Variants in CDR2 observed in about 807,000 individuals in gnomAD.
CDR2 encodes the protein cerebellar degeneration related protein 2, also known as cerebellar degeneration-related protein 2.
Under a neutral mutation model 48.4 loss-of-function variants are expected in CDR2, and 34 were observed. That is an observed-to-expected ratio of 0.70 (90% CI 0.53 to 0.94). CDR2 has a LOEUF of 0.94. Ranked by LOEUF, CDR2 falls within the 40% of genes least tolerant of loss-of-function variation. The pLI, the probability that CDR2 is intolerant of heterozygous loss-of-function variation, is 0.00. For synonymous variants in CDR2, 240 were observed against 219.7 expected (o/e 1.09, Z -0.82); for missense variants, 498 against 549.5 (o/e 0.91, Z 0.94).
chr16:22,347,444 G>A lies in CDR2; in HGVS notation c.886C>T (p.Leu296=), dbSNP rs1402914165. 1.2e-6 allele frequency: 2 copies of A among 1,613,850 alleles called. No homozygotes were observed. The highest frequency in any genetic ancestry group is 1.3e-5 in the African/African-American group (1 of 74,936). Reference sequence around the variant, plus strand: ...TTTCTATGTGATTCCGGCACAGTCAGGAACATCTCTTCCAGCAGGCTCTGG... The same window carrying A: ...TTTCTATGTGATTCCGGCACAGTCAAGAACATCTCTTCCAGCAGGCTCTGG... ...PSQSLLEEMF[L]TVPESHRKPL... Residue 296 remains leucine (L), a synonymous_variant, in exon 5 of 5, where the codon CTG becomes TTG. Transcript: ENST00000268383.
At chr16:22,366,644 G>A (rs1170239581) in intron 1 of CDR2, among the ~76,000 whole-genome samples, 1 of 152,130 alleles carries the variant, frequency 6.6e-6, no homozygotes, top group Non-Finnish European at 1.5e-5. Context: ...ATTGGGCAGG[G>A]AGGGGAGGGG....
intron 1 of CDR2, among the ~76,000 whole-genome samples, chr16:22,369,690 C>T (rs1465808568): frequency 2.0e-5 from 3 of 152,150 alleles, no homozygotes; most frequent in Non-Finnish European, 2.9e-5. Context: ...AGACACCGGA[C>T]TTTGTCTTTA....
At chr16:22,372,610 C>A (rs1218930885) in intron 1 of CDR2, among the ~76,000 whole-genome samples, 1 of 152,186 alleles carries the variant, frequency 6.6e-6, no homozygotes, top group Non-Finnish European at 1.5e-5. Flanking sequence ...CCTGGAGAAA[C>A]TATCAAACTA....
chr16:22,346,881 GC>G lies in CDR2; in HGVS notation c.*83del. On this transcript the variant is annotated 3_prime_UTR_variant, in exon 5 of 5. Transcript: ENST00000268383. ...AGGCAAACGTCATGAGTAACATTAG[GC>G]TTCAGAGTCTACAAACACTTGTCTG... 2 of 1,411,432 alleles carry G rather than the reference GC, an allele frequency of 1.4e-6. No individual in the cohort carries two copies. The highest frequency in any genetic ancestry group is 2.7e-5 in the South Asian group (2 of 75,230). The allele number at this position is 1,411,432 out of a possible 1,614,324, so 87.4% of individuals were successfully genotyped here. A position where few individuals can be genotyped will look rare whatever the true frequency, so the allele number is the denominator to read the frequency against.
Position 22,374,332 on chromosome 16 carries a change from A to T in CDR2, c.-23T>A, listed in dbSNP as rs772438592. The T allele has an allele frequency of 7.8e-6, 12 of 1,543,342 alleles. No homozygotes were observed. The South Asian group carries it at 1.4e-4, about 18-fold the overall frequency. On this transcript the variant is annotated 5_prime_UTR_variant, in exon 1 of 5. Transcript: ENST00000268383. ...CATCTCGGCTGGGTCTTCTAGGGGC[A>T]GCGGCCCCCGCCGCCGTCCCGCCTC...
chr16:22,356,763 A>C (rs1219571897), intron 2 of CDR2, among the ~76,000 whole-genome samples: 1 of 151,736 alleles, frequency 6.6e-6, no homozygotes, highest in African/African-American at 2.4e-5. Flanking sequence ...AAAAAATAAA[A>C]TAAAATAAAT....
chr16:22,366,385 G>A (rs984046669), intron 1 of CDR2, among the ~76,000 whole-genome samples: 1 of 152,172 alleles, frequency 6.6e-6, no homozygotes, highest in Non-Finnish European at 1.5e-5. Flanking sequence ...AAACTTGATA[G>A]CGATAAATGC....
chr16:22,357,489 G>C (rs2048982824), intron 2 of CDR2, among the ~76,000 whole-genome samples: 1 of 152,236 alleles, frequency 6.6e-6, no homozygotes, highest in Admixed American at 6.5e-5. Context: ...GCATGACTCA[G>C]ACTGTGAGAT....
chr16:22,361,454 G>C (rs1223711014), intron 2 of CDR2, among the ~76,000 whole-genome samples: 2 of 152,208 alleles, frequency 1.3e-5, no homozygotes, highest in Non-Finnish European at 2.9e-5. Flanking sequence ...TTAGCTGCCT[G>C]GTTACTTTTA....
rs189304601 is a variant in CDR2 at position 22,373,604 on chromosome 16, G to T, written c.79+627C>A. Among the ~76,000 whole-genome samples, 7 of 152,338 alleles carry T rather than the reference G, an allele frequency of 4.6e-5. No individual in the cohort carries two copies. The East Asian group carries it at 1.3e-3, about 29-fold the overall frequency. On this transcript the variant is annotated intron_variant, in intron 1 of 4. Coordinates refer to ENST00000268383, the MANE Select transcript of CDR2 (RefSeq NM_001802.2). ...GTAATTGGATTGTTTGTACCTCAATGGATAAATGCTGGGATGGACGCCCCG... is the reference window on the plus strand; with the variant it reads ...GTAATTGGATTGTTTGTACCTCAATTGATAAATGCTGGGATGGACGCCCCG...
chr16:22,363,139 A>G (rs961392015), intron 2 of CDR2, among the ~76,000 whole-genome samples: 2 of 151,220 alleles, frequency 1.3e-5, no homozygotes, highest in Admixed American at 6.6e-5. Flanking sequence ...ACAAAGTTTC[A>G]CCACATTGGC....
chr16:22,365,663 T>C (rs910816949), intron 1 of CDR2, among the ~76,000 whole-genome samples: 2 of 152,214 alleles, frequency 1.3e-5, no homozygotes, highest in Admixed American at 1.3e-4. Context: ...CCATATTTTA[T>C]TTTAAACCTC....
chr16:22,359,831 C>G (rs983422805), intron 2 of CDR2, among the ~76,000 whole-genome samples: 10 of 152,124 alleles, frequency 6.6e-5, no homozygotes, highest in African/African-American at 2.4e-4. Flanking sequence ...TGTTAAAATA[C>G]TGATTTCAAC....
At chr16:22,351,432 T>C (rs1190821232) in intron 2 of CDR2, among the ~76,000 whole-genome samples, 4 of 152,272 alleles carry the variant, frequency 2.6e-5, no homozygotes, top group Admixed American at 6.5e-5. Flanking sequence ...CCTTGAGGAA[T>C]TGACACCCTG....
At chr16:22,368,070 T>G (rs2049054188) in intron 1 of CDR2, among the ~76,000 whole-genome samples, 1 of 152,136 alleles carries the variant, frequency 6.6e-6, no homozygotes, top group Non-Finnish European at 1.5e-5. Flanking sequence ...AAAAATACAG[T>G]GAGGCCCTGT....
At chr16:22,349,499 G>A in intron 3 of CDR2, 56 bp from the exon 4 acceptor site, 5 of 1,596,828 alleles carry the variant, frequency 3.1e-6, no homozygotes, top group Non-Finnish European at 4.3e-6. Context: ...AAGGGCAAAA[G>A]CGGTGAGGAG....
chr16:22,346,944 G>A lies in CDR2; in HGVS notation c.*21C>T. On this transcript the variant is annotated 3_prime_UTR_variant, in exon 5 of 5. Coordinates refer to ENST00000268383, the MANE Select transcript of CDR2 (RefSeq NM_001802.2). ...GAGGCGATAGGCAATAGGCAAATTAGTAGTAGAGCTAGAGGTTCAATTAAG... is the reference window on the plus strand; with the variant it reads ...GAGGCGATAGGCAATAGGCAAATTAATAGTAGAGCTAGAGGTTCAATTAAG... 2 of 1,596,004 alleles carry A rather than the reference G, an allele frequency of 1.3e-6. No homozygotes were observed. Among genetic ancestry groups the A allele is most frequent in the Non-Finnish European group, 1.7e-6 (2 of 1,166,976 alleles).
At chr16:22,356,968 AAAAG>A (rs1190294828) in intron 2 of CDR2, among the ~76,000 whole-genome samples, 2 of 151,096 alleles carry the variant, frequency 1.3e-5, no homozygotes, top group African/African-American at 4.8e-5. Context: ...AAAAAAAAAA[AAAAG>A]AAGACCACCT....
At chr16:22,373,811 G>C (rs2049095481) in intron 1 of CDR2, among the ~76,000 whole-genome samples, 1 of 152,232 alleles carries the variant, frequency 6.6e-6, no homozygotes, top group Non-Finnish European at 1.5e-5. Context: ...ACCTGCAGCA[G>C]CCGGCCCTCC....
Sources: gnomAD v4.1 joint callset for allele counts (sites outside exome capture counted in the v4.1 genomes callset) on GRCh38, gnomAD v4.1.1 for gene constraint, MANE v1.5 for transcripts, NCBI Gene and HGNC (gene_info 2026-07-23, HGNC 2026-07-21) for gene names.